Variants in GNA13 observed in about 807,000 individuals in gnomAD.
GNA13 encodes the protein guanine nucleotide-binding protein subunit alpha-13.
In GNA13, 4 loss-of-function variants were observed where a neutral mutation model predicts 33.5. That is an observed-to-expected ratio of 0.12 (90% confidence interval 0.06 to 0.27). The LOEUF (loss-of-function observed/expected upper bound fraction) is 0.27, where lower values mean the gene tolerates loss of function less well. Ranked by LOEUF, GNA13 falls within the 10% of genes least tolerant of loss-of-function variation. The probability of loss-of-function intolerance (pLI) is 1.00; values close to 1 mark genes in which losing one functional copy is unlikely to be tolerated. For synonymous variants in GNA13, 176 were observed against 183.8 expected, an observed-to-expected ratio of 0.96 and a Z score of 0.34; for missense variants, 319 against 487.2, an observed-to-expected ratio of 0.65 and a Z score of 3.25.
intron 2 of GNA13, among the ~76,000 whole-genome samples, chr17:65,023,228 T>C (rs1384321438): frequency 1.3e-5 from 2 of 152,230 alleles, no homozygotes; most frequent in Non-Finnish European, 2.9e-5. Flanking sequence ...GGTTACTCAC[T>C]GCATTACTCA....
In GNA13 at chr17:65,036,589, C is replaced by G. The variant is rs1907258400; in HGVS notation, c.510+16913G>C. Among the ~76,000 whole-genome samples, 3 of 152,206 alleles carry G rather than the reference C, an allele frequency of 2.0e-5. No individual in the cohort carries two copies. The South Asian group carries it at 6.2e-4, about 31-fold the overall frequency. ...GGTGTTGTGGTGCGTGCCTGTAGTC[C>G]CAGCTACTCAGGAAGGTGAGGCATA... On this transcript the variant is annotated intron_variant, in intron 2 of 3. Coordinates refer to ENST00000439174, the MANE Select transcript of GNA13 (RefSeq NM_006572.6).
chr17:65,047,037 G>A (rs1227593625), intron 2 of GNA13, among the ~76,000 whole-genome samples: 2 of 152,030 alleles, frequency 1.3e-5, no homozygotes, highest in Non-Finnish European at 2.9e-5. Context: ...TCACAAAGTT[G>A]TATTAAAACT....
chr17:65,049,001 A>G (rs968356311), intron 2 of GNA13, among the ~76,000 whole-genome samples: 1 of 152,248 alleles, frequency 6.6e-6, no homozygotes, highest in African/African-American at 2.4e-5. Context: ...AATAAAAATT[A>G]TAATTACACA....
intron 2 of GNA13, among the ~76,000 whole-genome samples, chr17:65,035,215 AT>A (rs1907197208): frequency 1.3e-5 from 2 of 152,228 alleles, no homozygotes; most frequent in African/African-American, 4.8e-5. Context: ...CCATGTTACC[AT>A]TTAGCACCAC....
At chr17:65,046,583 C>A (rs1003803823) in intron 2 of GNA13, among the ~76,000 whole-genome samples, 1 of 152,210 alleles carries the variant, frequency 6.6e-6, no homozygotes, top group Admixed American at 6.5e-5. Context: ...CTGTTTTGGG[C>A]TAATAGGACT....
chr17:65,045,385 C>T (rs936364954), intron 2 of GNA13, among the ~76,000 whole-genome samples: 13 of 150,754 alleles, frequency 8.6e-5, no homozygotes, highest in African/African-American at 2.7e-4. Context: ...CTGGGTATGG[C>T]GGTGCACGCT....
In GNA13 at chr17:65,012,088, C is replaced by T. The variant is rs181465721; in HGVS notation, c.*2169G>A. On this transcript the variant is annotated 3_prime_UTR_variant, in exon 4 of 4. Coordinates refer to ENST00000439174, the MANE Select transcript of GNA13 (RefSeq NM_006572.6). ...GCAGCAGGGAAGAAAACTGCAAATG[C>T]CCAAAATAACATGATATCTATTTGG... 736 of 227,612 alleles carry T rather than the reference C, an allele frequency of 3.2e-3. 1 individual carries two copies. The highest frequency in any genetic ancestry group is 0.012 in the South Asian group (63 of 5,466). The allele number at this position is 227,612 out of a possible 1,614,324, so 14.1% of individuals were successfully genotyped here.
At chr17:65,051,234 G>T (rs544003498) in intron 2 of GNA13, among the ~76,000 whole-genome samples, 2 of 152,320 alleles carry the variant, frequency 1.3e-5, no homozygotes, top group African/African-American at 4.8e-5. Context: ...CTGGAAGGAT[G>T]AATAGAGCCT....
chr17:65,040,847 T>C (rs1003615404), intron 2 of GNA13, among the ~76,000 whole-genome samples: 1 of 152,188 alleles, frequency 6.6e-6, no homozygotes, highest in Non-Finnish European at 1.5e-5. Flanking sequence ...CTGTCTAAAG[T>C]ATACCCCCGT....
At chr17:65,023,860 G>T (rs143299895) in intron 2 of GNA13, among the ~76,000 whole-genome samples, 1 of 152,314 alleles carries the variant, frequency 6.6e-6, no homozygotes, top group Admixed American at 6.5e-5. Context: ...CCTTCAAGTG[G>T]TTAATCTGCA....
intron 2 of GNA13, among the ~76,000 whole-genome samples, chr17:65,043,059 A>C (rs888411130): frequency 6.6e-6 from 1 of 152,140 alleles, no homozygotes; most frequent in African/African-American, 2.4e-5. Flanking sequence ...TAGGTCCCTA[A>C]TAATAGATCA....
At chr17:65,035,108 T>G (rs1253091778) in intron 2 of GNA13, among the ~76,000 whole-genome samples, 1 of 152,180 alleles carries the variant, frequency 6.6e-6, no homozygotes, top group East Asian at 1.9e-4. Flanking sequence ...ATTTTAAATG[T>G]GAGAAAGGAG....
chr17:65,054,451 A>G (rs1156326544), intron 1 of GNA13, among the ~76,000 whole-genome samples: 1 of 152,186 alleles, frequency 6.6e-6, no homozygotes, highest in Non-Finnish European at 1.5e-5. Context: ...AGTCATCTGA[A>G]TAACTGAAAA....
rs1161982018 is a variant in GNA13, at chr17:65,011,903, G to A, written c.*2354C>T. On this transcript the variant is annotated 3_prime_UTR_variant, in exon 4 of 4. Transcript: ENST00000439174. The stretch of plus-strand genomic sequence containing the variant: ...TACAGGTGTAAGACTCCTTTCAAAC[G>A]TTTTTAAAATACAACGTATAAAAAA... 6 of 225,436 alleles carry A rather than the reference G, an allele frequency of 2.7e-5. No individual in the cohort carries two copies. Among genetic ancestry groups the A allele is most frequent in the South Asian group, 1.8e-4 (1 of 5,448 alleles). The allele number at this position is 225,436 out of a possible 1,614,324, so 14.0% of individuals were successfully genotyped here.
At chr17:65,041,789 T>C (rs991981159) in intron 2 of GNA13, among the ~76,000 whole-genome samples, 2 of 152,200 alleles carry the variant, frequency 1.3e-5, no homozygotes, top group African/African-American at 2.4e-5. Context: ...AGCAGGAAGA[T>C]AAATGACTTG....
intron 2 of GNA13, among the ~76,000 whole-genome samples, chr17:65,019,366 C>T (rs1906501435): frequency 6.6e-6 from 1 of 152,022 alleles, no homozygotes; most frequent in African/African-American, 2.4e-5. Context: ...ATATCTGCAC[C>T]CCCACGTTTA....
chr17:65,045,304 G>C (rs1439929612), intron 2 of GNA13, among the ~76,000 whole-genome samples: 1 of 152,006 alleles, frequency 6.6e-6, no homozygotes, highest in African/African-American at 2.4e-5. Context: ...CAGATTACCT[G>C]AGGTCAGGAG....
At chr17:65,023,535 A>C (rs1906665504) in intron 2 of GNA13, among the ~76,000 whole-genome samples, 1 of 152,214 alleles carries the variant, frequency 6.6e-6, no homozygotes. Context: ...ACTTGATTTG[A>C]TTTCTGAATG....
chr17:65,020,585 C>T (rs1906546530), intron 2 of GNA13, among the ~76,000 whole-genome samples: 4 of 152,132 alleles, frequency 2.6e-5, no homozygotes, highest in Admixed American at 2.6e-4. Flanking sequence ...GGGTTTAAGA[C>T]TCACTTTTTG....
Sources: gnomAD v4.1 joint callset for allele counts (sites outside exome capture counted in the v4.1 genomes callset) on GRCh38, gnomAD v4.1.1 for gene constraint, MANE v1.5 for transcripts, NCBI Gene and HGNC (gene_info 2026-07-23, HGNC 2026-07-21) for gene names.